Variants in UNC5B observed in about 807,000 individuals in gnomAD.
UNC5B encodes netrin receptor UNC5B.
A neutral mutation model predicts 103.7 loss-of-function variants in UNC5B; 56 were observed. The ratio of observed to expected loss-of-function variants is 0.54; its 90% CI spans 0.44 to 0.67. UNC5B has a LOEUF of 0.67. UNC5B is among the 30% of genes least tolerant of loss of function. The pLI is 0.00. For synonymous variants in UNC5B, 577 were observed against 542.0 expected, an observed-to-expected ratio of 1.06 and a Z score of -0.90; for missense variants, 1,194 against 1,284.5, an observed-to-expected ratio of 0.93 and a Z score of 1.08.
rs77489549 is a variant in UNC5B at position 71,292,691 on chromosome 10, T to C, written c.1772+137T>C. 1,304 of 729,884 alleles carry C rather than the reference T, an allele frequency of 1.8e-3. 29 individuals carry two copies. In the East Asian group the frequency reaches 0.035, roughly 19 times the overall value. The allele number at this position is 729,884 out of a possible 1,614,324, so 45.2% of individuals were successfully genotyped here. On this transcript the variant is annotated intron_variant, in intron 11 of 16. Coordinates refer to ENST00000335350, the MANE Select transcript of UNC5B (RefSeq NM_170744.5). ...AAGTATTAATCTTACTGTGTCCATA[T>C]TGAAAACTTGCAGAACCAACACCGT... is the stretch of plus-strand genomic sequence containing the variant.
At chr10:71,240,159 G>A (rs553136163) in intron 1 of UNC5B, among the ~76,000 whole-genome samples, 3 of 152,246 alleles carry the variant, frequency 2.0e-5, no homozygotes, top group Admixed American at 1.3e-4. Context: ...TATGAGCCGC[G>A]CTTCTCGTGT....
chr10:71,300,808 A>G lies in UNC5B; in HGVS notation c.*1531A>G, dbSNP rs1476852898. On this transcript the variant is annotated 3_prime_UTR_variant, in exon 17 of 17. Transcript: ENST00000335350. Reference sequence around the variant, plus strand: ...CCAGGAGTGGAGAAGGAGGCTGAGAAGCTGGTTTCCCAGCTCTGATCTCCA... The same window carrying G: ...CCAGGAGTGGAGAAGGAGGCTGAGAGGCTGGTTTCCCAGCTCTGATCTCCA... The G allele has an allele frequency of 6.6e-6, 1 of 152,228 alleles. No individual in the cohort carries two copies. The highest frequency in any genetic ancestry group is 1.5e-5 in the Non-Finnish European group (1 of 68,090). The allele number at this position is 152,228 out of a possible 1,614,324, so 9.4% of individuals were successfully genotyped here.
chr10:71,263,127 G>A (rs890266880), intron 1 of UNC5B, among the ~76,000 whole-genome samples: 1 of 152,142 alleles, frequency 6.6e-6, no homozygotes, highest in African/African-American at 2.4e-5. Flanking sequence ...TTGCAGCCTG[G>A]GCATCCTACG....
chr10:71,299,603 C>T lies in UNC5B; in HGVS notation c.*326C>T, dbSNP rs1034982869. On this transcript the variant is annotated 3_prime_UTR_variant, in exon 17 of 17. Coordinates refer to ENST00000335350, the MANE Select transcript of UNC5B (RefSeq NM_170744.5). Reference sequence around the variant, plus strand: ...GCAGGAGGCCCTCCCTCCACCCCCCCACCCTCAGCCCGGCAACTTCTGGGT... The same window carrying T: ...GCAGGAGGCCCTCCCTCCACCCCCCTACCCTCAGCCCGGCAACTTCTGGGT... The T allele has an allele frequency of 7.5e-6, 2 of 266,460 alleles. No homozygotes were observed. The highest frequency in any genetic ancestry group is 1.4e-5 in the Non-Finnish European group (2 of 140,102). The allele number at this position is 266,460 out of a possible 1,614,324, so 16.5% of individuals were successfully genotyped here.
In UNC5B at chr10:71,292,660, C is replaced by T. The variant is rs1441025844; in HGVS notation, c.1772+106C>T. On this transcript the variant is annotated intron_variant, in intron 11 of 16. Coordinates refer to ENST00000335350, the MANE Select transcript of UNC5B (RefSeq NM_170744.5). The stretch of plus-strand genomic sequence containing the variant: ...CTGATGCCAAGACCAAACAGTCCTC[C>T]AAGGAAAGTATTAATCTTACTGTGT... 4 of 937,700 alleles carry T rather than the reference C, an allele frequency of 4.3e-6. No individual in the cohort carries two copies. The African/African-American group carries it at 5.0e-5, about 12-fold the overall frequency. 58.1% of individuals were successfully genotyped at this position (937,700 alleles called of 1,614,324 possible). A position where few individuals can be genotyped will look rare whatever the true frequency, so the allele number is the denominator to read the frequency against.
intron 1 of UNC5B, among the ~76,000 whole-genome samples, chr10:71,259,753 C>T (rs1038841981): frequency 2.0e-5 from 3 of 152,236 alleles, no homozygotes; most frequent in African/African-American, 7.2e-5. Context: ...CCAGGCCCCA[C>T]AGGGAGGGAG....
At position 71,212,935 on chromosome 10, in the gene UNC5B, G is replaced by A; in HGVS notation, c.-51G>A. On this transcript the variant is annotated 5_prime_UTR_variant, in exon 1 of 17. Transcript: ENST00000335350. ...GCGGAGACGGCGGCGGCGAGACTGG[G>A]GCCAGGGAGACAGCCCTGGGGGAGA... 8.1e-7 allele frequency: 1 copy of A among 1,240,574 alleles called. No homozygotes were observed. Among genetic ancestry groups the A allele is most frequent in the Non-Finnish European group, 1.0e-6 (1 of 982,326 alleles). 76.8% of individuals were successfully genotyped at this position (1,240,574 alleles called of 1,614,324 possible). A position where few individuals can be genotyped will look rare whatever the true frequency, so the allele number is the denominator to read the frequency against.
chr10:71,291,322 G>A, intron 9 of UNC5B, 110 bp from the exon 10 acceptor site: 1 of 1,486,694 alleles, frequency 6.7e-7, no homozygotes, highest in East Asian at 2.3e-5. Flanking sequence ...TCCTGCAGCT[G>A]GCAGCAATTG....
rs1425169011 is a variant in UNC5B, at chr10:71,301,234, C to A, written c.*1957C>A. 1 of 152,270 alleles carries A rather than the reference C, an allele frequency of 6.6e-6. No individual in the cohort carries two copies. Among genetic ancestry groups the A allele is most frequent in the East Asian group, 1.9e-4 (1 of 5,176 alleles). The allele number at this position is 152,270 out of a possible 1,614,324, so 9.4% of individuals were successfully genotyped here. A position where few individuals can be genotyped will look rare whatever the true frequency, so the allele number is the denominator to read the frequency against. On this transcript the variant is annotated 3_prime_UTR_variant, in exon 17 of 17. Coordinates refer to ENST00000335350, the MANE Select transcript of UNC5B (RefSeq NM_170744.5). The stretch of plus-strand genomic sequence containing the variant: ...GAGAGGAGGGCAGGTTTTAGGGCCG[C>A]AGTTCCAGCCAGCGTCCCCAGCCTG...
intron 1 of UNC5B, among the ~76,000 whole-genome samples, chr10:71,245,486 C>T (rs747015294): frequency 6.6e-6 from 1 of 152,146 alleles, no homozygotes; most frequent in Non-Finnish European, 1.5e-5. Flanking sequence ...GGCCCTGAGC[C>T]CTCAGAGCTT....
At chr10:71,293,081 A>G (rs956374357) in intron 11 of UNC5B, among the ~76,000 whole-genome samples, 42 of 152,276 alleles carry the variant, frequency 2.8e-4, no homozygotes, top group African/African-American at 9.1e-4. Flanking sequence ...GGCCGGGAGT[A>G]TAGATTGGAA....
intron 2 of UNC5B, 42 bp from the exon 3 acceptor site, chr10:71,284,678 G>C: frequency 2.5e-6 from 4 of 1,609,288 alleles, no homozygotes; most frequent in Non-Finnish European, 3.4e-6. Flanking sequence ...TCACATCCTT[G>C]CTTTGCCCCT....
chr10:71,260,945 A>G (rs1031443068), intron 1 of UNC5B, among the ~76,000 whole-genome samples: 7 of 152,222 alleles, frequency 4.6e-5, no homozygotes, highest in Non-Finnish European at 1.0e-4. Flanking sequence ...GCTGAGCAAG[A>G]CTGCTCCCCC....
intron 1 of UNC5B, among the ~76,000 whole-genome samples, chr10:71,239,811 A>G (rs1467463884): frequency 1.3e-5 from 2 of 152,184 alleles, no homozygotes; most frequent in African/African-American, 2.4e-5. Context: ...TCCTCCGGTC[A>G]TCTTCACAGG....
chr10:71,290,902 C>G lies in UNC5B; in HGVS notation c.1100-13C>G. 6.2e-7 allele frequency: 1 copy of G among 1,605,186 alleles called. No homozygotes were observed. The highest frequency in any genetic ancestry group is 1.3e-5 in the African/African-American group (1 of 75,008). ...TCTCTGCTGCCCCTTATGTGGTCCT[C>G]CTGTCCCCGCAGTGCTGGAGGCCTC... is the stretch of plus-strand genomic sequence containing the variant. On this transcript the variant is annotated splice_polypyrimidine_tract_variant and intron_variant, in intron 8 of 16. Coordinates refer to ENST00000335350, the MANE Select transcript of UNC5B (RefSeq NM_170744.5).
Position 71,290,946 on chromosome 10 carries a change from T to C in UNC5B, c.1131T>C (p.Tyr377=). 1 of 1,613,750 alleles carries C rather than the reference T, an allele frequency of 6.2e-7. No homozygotes were observed. The highest frequency in any genetic ancestry group is 8.5e-7 in the Non-Finnish European group (1 of 1,179,966). The part of the protein sequence containing the change: ...LLEASGDAAL[Y]AGLVVAIFVV... ...AGGCCTCAGGGGATGCGGCGCTGTA[T>C]GCGGGGCTCGTGGTGGCCATCTTCG... The change falls in exon 9 of 17, where the codon TAT becomes TAC. Residue 377 remains tyrosine, a synonymous_variant. Transcript: ENST00000335350.
At chr10:71,269,344 C>CCCG (rs1554865173) in intron 1 of UNC5B, among the ~76,000 whole-genome samples, 2 of 10,128 alleles carry the variant, frequency 2.0e-4, no homozygotes, top group Non-Finnish European at 1.0e-3. Flanking sequence ...AAAATGAAGT[C>CCCG]CCCCCCCCAC....
At chr10:71,296,956 G>A (rs543548963) in intron 15 of UNC5B, among the ~76,000 whole-genome samples, 2 of 139,752 alleles carry the variant, frequency 1.4e-5, no homozygotes, top group Non-Finnish European at 3.2e-5. Flanking sequence ...AGGGAAGGGC[G>A]GCCAGATATT....
At chr10:71,296,053 C>CT (rs1845404117) in intron 14 of UNC5B, 93 bp downstream of exon 14, 1 of 1,544,486 alleles carries the variant, frequency 6.5e-7, no homozygotes. Flanking sequence ...TAGCTCTGTC[C>CT]TGTGGCCTTA....
Sources: gnomAD v4.1 joint callset for allele counts (sites outside exome capture counted in the v4.1 genomes callset) on GRCh38, gnomAD v4.1.1 for gene constraint, MANE v1.5 for transcripts, NCBI Gene and HGNC (gene_info 2026-07-23, HGNC 2026-07-21) for gene names.